TXNL1: variants seen among roughly 807,000 people sequenced by gnomAD.
TXNL1 encodes the protein thioredoxin-like protein 1.
A neutral mutation model predicts 35.5 loss-of-function variants in TXNL1; 14 were observed. That is an observed-to-expected ratio of 0.39 (90% CI 0.26 to 0.62). The LOEUF is 0.62. Ranked by LOEUF, TXNL1 falls within the 20% of genes least tolerant of loss-of-function variation. The pLI, the probability that TXNL1 is intolerant of heterozygous loss-of-function variation, is 0.47. For missense variants in TXNL1, 263 were observed against 349.7 expected, an observed-to-expected ratio of 0.75 and a Z score of 1.98; for synonymous variants, 110 against 115.5, an observed-to-expected ratio of 0.95 and a Z score of 0.31.
intron 2 of TXNL1, among the ~76,000 whole-genome samples, chr18:56,624,881 G>A (rs1181004061): frequency 1.3e-5 from 2 of 152,132 alleles, no homozygotes; most frequent in Admixed American, 1.3e-4. Flanking sequence ...TAGCCAATCT[G>A]CCTGTTAAAA....
intron 7 of TXNL1, chr18:56,605,262 G>A (rs1215201565): frequency 1.3e-5 from 2 of 152,182 alleles, no homozygotes; most frequent in East Asian, 1.9e-4. Context: ...AAGGGTGAGA[G>A]CAGACAGGTG....
rs614658 is a variant in TXNL1, at chr18:56,600,933, T to G, written c.*2094A>C. 1 of 152,168 alleles carries G rather than the reference T, an allele frequency of 6.6e-6. No homozygotes were observed. Among genetic ancestry groups the G allele is most frequent in the Non-Finnish European group, 1.5e-5 (1 of 68,042 alleles). 9.4% of individuals were successfully genotyped at this position (152,168 alleles called of 1,614,324 possible). The stretch of plus-strand genomic sequence containing the variant: ...ATCAAAAGCACCTGATGTCAATGTA[T>G]CAAAATACAGAGATCATGAAATTCT... On this transcript the variant is annotated 3_prime_UTR_variant, in exon 8 of 8. Transcript: ENST00000217515.
chr18:56,606,146 C>T (rs528615529), intron 7 of TXNL1, among the ~76,000 whole-genome samples: 3 of 152,078 alleles, frequency 2.0e-5, no homozygotes, highest in East Asian at 1.9e-4. Context: ...GAGGCCCAGG[C>T]GGGCGGATCA....
intron 5 of TXNL1, among the ~76,000 whole-genome samples, chr18:56,615,382 A>C (rs1184527863): frequency 9.6e-6 from 1 of 103,966 alleles, no homozygotes; most frequent in Non-Finnish European, 2.1e-5. Flanking sequence ...TATTTCTTCC[A>C]ATCAATCGAA....
rs1414634155 is a variant in TXNL1 at position 56,638,384 on chromosome 18, G to C, written c.57C>G (p.Gly19=). ...TGACCACGGCGAGTCTGGAGCCCGC[G>C]CCGCTCAGCTCTGGCTGGAAATCCG... ...SDPDFQPELS[G]AGSRLAVVKF... Residue 19 remains glycine, a synonymous_variant, in exon 1 of 8, where the codon GGC becomes GGG. Coordinates refer to ENST00000217515, the MANE Select transcript of TXNL1 (RefSeq NM_004786.3). 1.2e-6 allele frequency: 2 copies of C among 1,613,614 alleles called. No homozygotes were observed. The highest frequency in any genetic ancestry group is 1.7e-6 in the Non-Finnish European group (2 of 1,179,736).
intron 1 of TXNL1, among the ~76,000 whole-genome samples, chr18:56,635,545 G>A (rs1325282142): frequency 6.6e-6 from 1 of 152,136 alleles, no homozygotes; most frequent in Non-Finnish European, 1.5e-5. Context: ...CTTATATTAG[G>A]TGCCACAAAT....
chr18:56,622,916 T>C lies in TXNL1; in HGVS notation c.369+1372A>G, dbSNP rs2024211771. On this transcript the variant is annotated intron_variant, in intron 3 of 7. Transcript: ENST00000217515. ...AAATTACAGGTCTATTTTAAATAAA[T>C]AGTAATTGTACTTCCTTAAATTAAT... 2.0e-5 allele frequency among the ~76,000 whole-genome samples: 3 copies of C among 152,364 alleles called. No individual in the cohort carries two copies. In the South Asian group the frequency reaches 6.2e-4, roughly 32 times the overall value.
At chr18:56,609,149 C>T (rs941661227) in intron 7 of TXNL1, 2 of 151,910 alleles carry the variant, frequency 1.3e-5, no homozygotes, top group Non-Finnish European at 2.9e-5. Flanking sequence ...AACAAAAGTT[C>T]TTTTTGGCCT....
At chr18:56,625,313 T>C (rs2024258203) in intron 2 of TXNL1, among the ~76,000 whole-genome samples, 1 of 152,130 alleles carries the variant, frequency 6.6e-6, no homozygotes, top group East Asian at 1.9e-4. Context: ...CTATTATCTA[T>C]ATTAAAAAAG....
In TXNL1 at chr18:56,638,360, G is replaced by C. The variant is rs879093443; in HGVS notation, c.81C>G (p.Val27=). 3.1e-6 allele frequency: 5 copies of C among 1,613,354 alleles called. No homozygotes were observed. In the African/African-American group the frequency reaches 6.7e-5, roughly 22 times the overall value. ...LSGAGSRLAV[V]KFTMRGCGPC... ...GGCCTCACCCTCTCATGGTGAACTT[G>C]ACCACGGCGAGTCTGGAGCCCGCGC... The change falls in exon 1 of 8, where the codon GTC becomes GTG. Residue 27 remains valine (V), a synonymous_variant. Transcript: ENST00000217515.
chr18:56,624,879 C>G (rs1004020075), intron 2 of TXNL1, among the ~76,000 whole-genome samples: 1 of 152,182 alleles, frequency 6.6e-6, no homozygotes, highest in African/African-American at 2.4e-5. Flanking sequence ...GGTAGCCAAT[C>G]TGCCTGTTAA....
intron 1 of TXNL1, among the ~76,000 whole-genome samples, chr18:56,631,427 C>G (rs952449451): frequency 3.9e-5 from 6 of 152,056 alleles, no homozygotes; most frequent in Non-Finnish European, 5.9e-5. Flanking sequence ...TCTTATTTCA[C>G]TGCAAAAGGT....
intron 5 of TXNL1, 23 bp downstream of exon 5, chr18:56,616,222 A>C: frequency 1.2e-6 from 2 of 1,605,528 alleles, no homozygotes; most frequent in Non-Finnish European, 1.7e-6. Context: ...AGTTAGTTTA[A>C]AGAAAAGCTA....
chr18:56,620,675 A>G (rs186140080), intron 3 of TXNL1, among the ~76,000 whole-genome samples: 1 of 152,354 alleles, frequency 6.6e-6, no homozygotes, highest in East Asian at 1.9e-4. Context: ...AAGTCTACCA[A>G]GTATTATAGA....
chr18:56,633,446 C>CAA (rs57445949), intron 1 of TXNL1, among the ~76,000 whole-genome samples: 44 of 74,352 alleles, frequency 5.9e-4, no homozygotes, highest in African/African-American at 2.2e-3. Context: ...GACTCTGTCT[C>CAA]AAAAAAAAAA....
chr18:56,630,894 T>C (rs1484688218), intron 1 of TXNL1, among the ~76,000 whole-genome samples: 3 of 144,710 alleles, frequency 2.1e-5, no homozygotes, highest in African/African-American at 5.0e-5. Flanking sequence ...TTCTTTTTTC[T>C]TTTTTTTTTT....
intron 6 of TXNL1, among the ~76,000 whole-genome samples, chr18:56,613,159 A>C (rs1036486118): frequency 6.6e-6 from 1 of 152,100 alleles, no homozygotes; most frequent in Admixed American, 6.5e-5. Context: ...TCTTCATACT[A>C]CTACTATGTA....
chr18:56,632,093 G>A (rs1431610711), intron 1 of TXNL1, among the ~76,000 whole-genome samples: 2 of 152,094 alleles, frequency 1.3e-5, no homozygotes, highest in South Asian at 4.1e-4. Context: ...TATAATCCAA[G>A]ATCAGCTTTC....
chr18:56,626,796 TC>T (rs2024289431), intron 1 of TXNL1, among the ~76,000 whole-genome samples: 1 of 90,362 alleles, frequency 1.1e-5, no homozygotes, highest in Non-Finnish European at 2.2e-5. Flanking sequence ...ACCAAGCCGG[TC>T]TTTTTTTTTT....
Sources: gnomAD v4.1 joint callset for allele counts (sites outside exome capture counted in the v4.1 genomes callset) on GRCh38, gnomAD v4.1.1 for gene constraint, MANE v1.5 for transcripts, NCBI Gene and HGNC (gene_info 2026-07-23, HGNC 2026-07-21) for gene names.